Variants in SGCD observed in about 807,000 individuals in gnomAD.
SGCD encodes the protein sarcoglycan delta.
SGCD carries 18 observed loss-of-function variants against 36.6 expected under a neutral mutation model. The observed-to-expected ratio is 0.49, with a 90% CI of 0.34 to 0.73. The LOEUF (loss-of-function observed/expected upper bound fraction) is 0.73. Among genes scored for constraint, SGCD ranks in the 30% least tolerant of loss-of-function variants. SGCD has a pLI of 0.01. For synonymous variants in SGCD, 133 were observed against 130.6 expected, an observed-to-expected ratio of 1.02 and a Z score of -0.12; for missense variants, 387 against 346.7, an observed-to-expected ratio of 1.12 and a Z score of -0.92.
At chr5:156,626,631 A>T (rs1762451157) in intron 6 of SGCD, among the ~76,000 whole-genome samples, 2 of 152,302 alleles carry the variant, frequency 1.3e-5, no homozygotes, top group South Asian at 4.2e-4. Context: ...TATAGGATGG[A>T]TATTCAGTTT....
chr5:156,568,558 A>G (rs1023982665), intron 4 of SGCD, among the ~76,000 whole-genome samples: 30 of 152,298 alleles, frequency 2.0e-4, no homozygotes, highest in African/African-American at 7.0e-4. Flanking sequence ...TGTCCTAGTG[A>G]CTGGCTAGCA....
At chr5:155,858,681 C>T in the SGCD span, among the ~76,000 whole-genome samples, 1 of 152,150 alleles carries the variant, frequency 6.6e-6, no homozygotes. Flanking sequence ...GGAACAAACA[C>T]AATCAATGTG....
intron 3 of SGCD, among the ~76,000 whole-genome samples, chr5:156,290,754 T>C (rs1410123432): frequency 6.6e-6 from 1 of 152,142 alleles, no homozygotes; most frequent in Non-Finnish European, 1.5e-5. Context: ...ACCCTCTCTT[T>C]TTAAAATAAG....
the SGCD span, among the ~76,000 whole-genome samples, chr5:155,772,653 G>T: frequency 6.6e-6 from 1 of 152,100 alleles, no homozygotes; most frequent in Admixed American, 6.6e-5. Flanking sequence ...AAACAAGTTA[G>T]GTAGCAAGGT....
chr5:156,398,949 C>T (rs1580929379), intron 3 of SGCD, among the ~76,000 whole-genome samples: 2 of 152,102 alleles, frequency 1.3e-5, no homozygotes, highest in Non-Finnish European at 2.9e-5. Flanking sequence ...TGCTCAATAG[C>T]CACATGCATG....
At chr5:156,407,338 C>A (rs1259819334) in intron 3 of SGCD, among the ~76,000 whole-genome samples, 1 of 152,194 alleles carries the variant, frequency 6.6e-6, no homozygotes, top group African/African-American at 2.4e-5. Context: ...CTCTTAACCT[C>A]AGAGCTGTGG....
At chr5:156,628,741 T>A (rs1762521526) in intron 6 of SGCD, among the ~76,000 whole-genome samples, 1 of 152,212 alleles carries the variant, frequency 6.6e-6, no homozygotes, top group African/African-American at 2.4e-5. Flanking sequence ...ATAAAGGGGC[T>A]GCATGCAGGC....
chr5:156,545,877 G>T (rs1295489003), intron 4 of SGCD, among the ~76,000 whole-genome samples: 1 of 152,180 alleles, frequency 6.6e-6, no homozygotes, highest in Non-Finnish European at 1.5e-5. Context: ...AAAATAAATG[G>T]AGTAGAGAAG....
Position 156,388,515 on chromosome 5 carries a change from A to G in SGCD, c.192+43838A>G, listed in dbSNP as rs867078430. ...AAGGTATCATTTAATTTAAAGCACA[A>G]TGGAATCAGAAATCATTTAATGACT... On this transcript the variant is annotated intron_variant, in intron 3 of 8. Transcript: ENST00000337851. Among the ~76,000 whole-genome samples the G allele has an allele frequency of 2.7e-4, 41 of 152,300 alleles. 1 individual carries two copies. In the South Asian group the frequency reaches 5.4e-3, roughly 20 times the overall value.
At chr5:156,418,536 G>A (rs112520981) in intron 3 of SGCD, among the ~76,000 whole-genome samples, 32 of 152,264 alleles carry the variant, frequency 2.1e-4, no homozygotes, top group African/African-American at 7.7e-4. Context: ...GACCTCATAC[G>A]ATGTCAGAGT....
At chr5:156,441,725 G>A (rs1021763903) in intron 3 of SGCD, among the ~76,000 whole-genome samples, 2 of 152,142 alleles carry the variant, frequency 1.3e-5, no homozygotes, top group Non-Finnish European at 2.9e-5. Context: ...TATAAGTATA[G>A]AGAAAGTTAG....
rs370926859 is a variant in SGCD, at chr5:156,207,990, T to C, written c.-44+83971T>C. ...TTATGTAAAACCATGTCTTTAGATATGAAAAGTTAGACACACAATTTACCA... is the reference window on the plus strand; with the variant it reads ...TTATGTAAAACCATGTCTTTAGATACGAAAAGTTAGACACACAATTTACCA... On this transcript the variant is annotated intron_variant, in intron 3 of 9. Transcript: ENST00000517913. Among the ~76,000 whole-genome samples, 8 of 152,252 alleles carry C rather than the reference T, an allele frequency of 5.3e-5. No homozygotes were observed. In the East Asian group the frequency reaches 1.2e-3, roughly 22 times the overall value.
At chr5:156,485,029 T>G (rs1755594935) in intron 3 of SGCD, among the ~76,000 whole-genome samples, 1 of 152,192 alleles carries the variant, frequency 6.6e-6, no homozygotes, top group African/African-American at 2.4e-5. Context: ...TTTTTTTTTT[T>G]CATAACGATT....
At chr5:156,292,007 C>A (rs1352353315) in intron 3 of SGCD, among the ~76,000 whole-genome samples, 1 of 151,972 alleles carries the variant, frequency 6.6e-6, no homozygotes, top group Non-Finnish European at 1.5e-5. Context: ...CCAACCCCAC[C>A]CCAGCCACTA....
the SGCD span, among the ~76,000 whole-genome samples, chr5:155,858,163 T>C: frequency 1.3e-5 from 2 of 152,256 alleles, no homozygotes; most frequent in Non-Finnish European, 2.9e-5. Context: ...TGTTTCATTT[T>C]GAATAGTTTG....
At chr5:156,488,144 A>G (rs1426960767) in intron 3 of SGCD, among the ~76,000 whole-genome samples, 3 of 148,786 alleles carry the variant, frequency 2.0e-5, no homozygotes, top group Non-Finnish European at 3.0e-5. Context: ...AGTTAGACAA[A>G]AAATAAAAAG....
intron 7 of SGCD, among the ~76,000 whole-genome samples, chr5:156,715,539 A>G (rs1755181456): frequency 6.6e-6 from 1 of 152,134 alleles, no homozygotes; most frequent in South Asian, 2.1e-4. Context: ...TCCTTCATTC[A>G]TTGTGCATTT....
chr5:156,455,453 T>C (rs1754216422), intron 3 of SGCD, among the ~76,000 whole-genome samples: 2 of 152,018 alleles, frequency 1.3e-5, no homozygotes, highest in African/African-American at 4.8e-5. Flanking sequence ...CAAAGACTTT[T>C]TTTTTTTTTC....
At chr5:155,902,786 A>T in intron 1 of SGCD, among the ~76,000 whole-genome samples, 1 of 152,196 alleles carries the variant, frequency 6.6e-6, no homozygotes. Flanking sequence ...GTTTTCTAAA[A>T]ATTAAGGATA....
Sources: gnomAD v4.1 joint callset for allele counts (sites outside exome capture counted in the v4.1 genomes callset) on GRCh38, gnomAD v4.1.1 for gene constraint, MANE v1.5 for transcripts, NCBI Gene and HGNC (gene_info 2026-07-23, HGNC 2026-07-21) for gene names.